KHDC1: variants seen among roughly 807,000 people sequenced by gnomAD.
KHDC1 encodes KH homology domain-containing protein 1.
Under a neutral mutation model 24.7 loss-of-function variants are expected in KHDC1, and 21 were observed. That is an observed-to-expected ratio of 0.85 (90% CI 0.60 to 1.23). The LOEUF (loss-of-function observed/expected upper bound fraction) is 1.23. KHDC1 is among the 50% of genes most tolerant of loss of function. The pLI is 0.00. For missense variants in KHDC1, 274 were observed against 298.5 expected, an observed-to-expected ratio of 0.92 and a Z score of 0.61; for synonymous variants, 98 against 111.7, an observed-to-expected ratio of 0.88 and a Z score of 0.77.
chr6:73,250,695 G>A (rs984190579), intron 2 of KHDC1, among the ~76,000 whole-genome samples: 3 of 152,172 alleles, frequency 2.0e-5, no homozygotes, highest in East Asian at 1.9e-4. Flanking sequence ...GATTGATTGC[G>A]CTCAGCAGTG....
chr6:73,274,230 A>G (rs1343125405), intron 2 of KHDC1: 1 of 152,254 alleles, frequency 6.6e-6, no homozygotes, highest in Non-Finnish European at 1.5e-5. Flanking sequence ...AACAAAAAAG[A>G]ATGGCATCAT....
At chr6:73,272,374 GCCCA>G (rs76860285) in intron 2 of KHDC1, among the ~76,000 whole-genome samples, 40,628 of 151,180 alleles carry the variant, frequency 0.27, 6,039 homozygotes, top group African/African-American at 0.4. Context: ...CTTGTGATCC[GCCCA>G]CCCACCCTGG....
chr6:73,254,511 TAAAA>T (rs1364718150), intron 2 of KHDC1, among the ~76,000 whole-genome samples: 4 of 134,802 alleles, frequency 3.0e-5, no homozygotes, highest in Admixed American at 7.4e-5. Flanking sequence ...AATAAATAAA[TAAAA>T]GACTACGTAG....
At chr6:73,287,932 ACTC>A (rs1353592339) in intron 2 of KHDC1, among the ~76,000 whole-genome samples, 9 of 151,896 alleles carry the variant, frequency 5.9e-5, no homozygotes, top group Middle Eastern at 3.2e-3. Context: ...TATTGATACT[ACTC>A]CTCTGGGGTG....
At chr6:73,277,450 GC>G (rs1462036166) in intron 2 of KHDC1, among the ~76,000 whole-genome samples, 1 of 152,068 alleles carries the variant, frequency 6.6e-6, no homozygotes, top group African/African-American at 2.4e-5. Context: ...GGGTGACAGA[GC>G]AAGACTCTGT....
At chr6:73,242,070 A>T in exon 4 of KHDC1, 1 of 1,613,004 alleles carries the variant, frequency 6.2e-7, no homozygotes, top group Non-Finnish European at 8.5e-7. Flanking sequence ...GCATGATGAT[A>T]GGAGTCCTGG....
chr6:73,309,341 C>T (rs988962949), intron 1 of KHDC1, among the ~76,000 whole-genome samples: 3 of 152,204 alleles, frequency 2.0e-5, no homozygotes, highest in African/African-American at 7.2e-5. Flanking sequence ...CTTCTAGCCA[C>T]AATCTTCCTT....
chr6:73,309,898 G>A (rs1404367198), exon 1 of KHDC1: 12 of 596,260 alleles, frequency 2.0e-5, no homozygotes, highest in East Asian at 1.3e-4. Flanking sequence ...CACAGTCTAG[G>A]TGGATTAACG....
At chr6:73,248,943 CAAA>C (rs36010850) in intron 2 of KHDC1, among the ~76,000 whole-genome samples, 18 of 137,444 alleles carry the variant, frequency 1.3e-4, no homozygotes, top group African/African-American at 1.1e-4. Context: ...TGTTGGGAGT[CAAA>C]AAAAAAAAAA....
At chr6:73,277,546 A>G (rs1767320455) in intron 2 of KHDC1, among the ~76,000 whole-genome samples, 1 of 152,178 alleles carries the variant, frequency 6.6e-6, no homozygotes, top group Non-Finnish European at 1.5e-5. Context: ...ATCAGTTAGT[A>G]TAAAACTTTA....
At chr6:73,246,517 G>C (rs1766668341) in intron 2 of KHDC1, among the ~76,000 whole-genome samples, 1 of 152,120 alleles carries the variant, frequency 6.6e-6, no homozygotes, top group African/African-American at 2.4e-5. Flanking sequence ...GTTGTCACGA[G>C]AATTAAGGAG....
chr6:73,290,016 C>T (rs1442576556), intron 2 of KHDC1, among the ~76,000 whole-genome samples: 1 of 147,202 alleles, frequency 6.8e-6, no homozygotes, highest in Admixed American at 7.0e-5. Flanking sequence ...AGGAGAATGG[C>T]GTGAACCCGG....
chr6:73,277,291 C>G (rs1040669789), intron 2 of KHDC1, among the ~76,000 whole-genome samples: 6 of 152,042 alleles, frequency 3.9e-5, no homozygotes, highest in African/African-American at 1.4e-4. Context: ...ATGGTGAAAC[C>G]CCATCTCTAC....
chr6:73,242,946 G>A (rs1239968730), intron 2 of KHDC1, among the ~76,000 whole-genome samples: 1 of 152,076 alleles, frequency 6.6e-6, no homozygotes, highest in Non-Finnish European at 1.5e-5. Flanking sequence ...CCAACAAGAC[G>A]GGGTTTGTTT....
intron 2 of KHDC1, among the ~76,000 whole-genome samples, chr6:73,244,515 A>G (rs1582549155): frequency 6.6e-6 from 1 of 152,266 alleles, no homozygotes; most frequent in East Asian, 1.9e-4. Flanking sequence ...AGAAACCTGT[A>G]GAAGAAAATC....
rs72945998 is a variant in KHDC1, at chr6:73,304,799, C to T, written c.163+4753G>A. Among the ~76,000 whole-genome samples the T allele has an allele frequency of 6.1e-3, 931 of 152,244 alleles. 2 individuals carry two copies. The highest frequency in any genetic ancestry group is 0.01 in the Non-Finnish European group (714 of 68,016). ...GGTCCAGTTTCCTTTCTGAATCTAT[C>T]AGTCACCAACATAGCTGGTCTGGGA... On this transcript the variant is annotated intron_variant, in intron 1 of 4. Transcript: ENST00000370384.
intron 2 of KHDC1, chr6:73,290,678 C>A: frequency 2.3e-6 from 1 of 442,968 alleles, no homozygotes; most frequent in Admixed American, 2.5e-5. Context: ...CTGAAGTTTG[C>A]TGCTGCTGCT....
chr6:73,288,764 C>T (rs1767568052), intron 2 of KHDC1, among the ~76,000 whole-genome samples: 1 of 134,904 alleles, frequency 7.4e-6, no homozygotes, highest in Non-Finnish European at 1.5e-5. Flanking sequence ...AGCCACTGCA[C>T]ACCAGCCTGA....
intron 2 of KHDC1, among the ~76,000 whole-genome samples, chr6:73,287,574 A>T (rs1049426608): frequency 1.3e-5 from 2 of 152,194 alleles, no homozygotes; most frequent in Non-Finnish European, 2.9e-5. Context: ...CCAGATCCCC[A>T]GGAGGAAGGA....
Sources: gnomAD v4.1 joint callset for allele counts (sites outside exome capture counted in the v4.1 genomes callset) on GRCh38, gnomAD v4.1.1 for gene constraint, MANE v1.5 for transcripts, NCBI Gene and HGNC (gene_info 2026-07-23, HGNC 2026-07-21) for gene names.